Variants in COG7 observed in about 807,000 individuals in gnomAD.
COG7 encodes the protein component of oligomeric golgi complex 7.
COG7 carries 49 observed loss-of-function variants against 91.5 expected under a neutral mutation model. The observed-to-expected ratio is 0.54, with a 90% CI of 0.43 to 0.68. The LOEUF is 0.68. Ranked by LOEUF, COG7 falls within the 30% of genes least tolerant of loss-of-function variation. The pLI is 0.00. For missense variants in COG7, 895 were observed against 961.3 expected (o/e 0.93, Z 0.91); for synonymous variants, 365 against 388.7 (o/e 0.94, Z 0.72).
intron 14 of COG7, among the ~76,000 whole-genome samples, chr16:23,395,837 G>T (rs531065402): frequency 1.3e-5 from 2 of 152,306 alleles, no homozygotes; most frequent in Admixed American, 1.3e-4. Context: ...GAAAAGTTTT[G>T]AGGTCAGACA....
intron 4 of COG7, among the ~76,000 whole-genome samples, chr16:23,439,820 G>A (rs1414078830): frequency 1.3e-5 from 2 of 152,122 alleles, no homozygotes; most frequent in Non-Finnish European, 2.9e-5. Flanking sequence ...CCACTGAAAT[G>A]CACACTTAAA....
intron 1 of COG7, 121 bp downstream of exon 1, chr16:23,452,705 T>G: frequency 1.4e-6 from 2 of 1,471,928 alleles, no homozygotes; most frequent in Non-Finnish European, 1.8e-6. Flanking sequence ...CTTGCTCTTT[T>G]GCCGAGGGTA....
intron 13 of COG7, among the ~76,000 whole-genome samples, chr16:23,401,965 G>A (rs1018167682): frequency 6.6e-6 from 1 of 152,160 alleles, no homozygotes; most frequent in Non-Finnish European, 1.5e-5. Flanking sequence ...GCTGAGGCAG[G>A]AGGATCACTT....
chr16:23,452,405 AT>A (rs910100312), intron 1 of COG7, among the ~76,000 whole-genome samples: 9 of 150,888 alleles, frequency 6.0e-5, no homozygotes, highest in Middle Eastern at 3.4e-3. Flanking sequence ...CATCTCTACA[AT>A]TTTTTTTTTA....
In COG7 at chr16:23,442,687, C is replaced by G. The variant is rs140637718; in HGVS notation, c.436-42G>C. The G allele has an allele frequency of 1.6e-3, 2,420 of 1,528,982 alleles. 33 individuals carry two copies. In the African/African-American group the frequency reaches 0.029, roughly 18 times the overall value. The allele number at this position is 1,528,982 out of a possible 1,614,324, so 94.7% of individuals were successfully genotyped here. A position where few individuals can be genotyped will look rare whatever the true frequency, so the allele number is the denominator to read the frequency against. The stretch of plus-strand genomic sequence containing the variant: ...TAGAGAATATTTATTTTAAATGATC[C>G]CTACTGCCTCAATTGGGAATAGATA... On this transcript the variant is annotated intron_variant, in intron 3 of 16. Transcript: ENST00000307149.
In COG7 at chr16:23,389,139, G is replaced by A. The variant is rs972991080; in HGVS notation, c.2147-53C>T. The A allele has an allele frequency of 3.8e-6, 6 of 1,598,994 alleles. No individual in the cohort carries two copies. The South Asian group carries it at 5.6e-5, about 15-fold the overall frequency. ...AGCTCCACAGACTCAGCACCAAGCA[G>A]GTCAGAGCCCCACAGGGCCTCCCCT... On this transcript the variant is annotated intron_variant, in intron 16 of 16. Transcript: ENST00000307149.
At chr16:23,432,664 T>G (rs1273272763) in intron 6 of COG7, among the ~76,000 whole-genome samples, 6 of 152,210 alleles carry the variant, frequency 3.9e-5, no homozygotes, top group Admixed American at 3.9e-4. Flanking sequence ...AAAACCTTTA[T>G]GGCTGGAAAT....
intron 14 of COG7, among the ~76,000 whole-genome samples, chr16:23,396,262 C>T (rs1017277990): frequency 6.6e-6 from 1 of 152,234 alleles, no homozygotes; most frequent in African/African-American, 2.4e-5. Flanking sequence ...TCCTAGCCCT[C>T]ATTCCCTCTC....
intron 9 of COG7, 65 bp downstream of exon 9, chr16:23,416,902 C>T: frequency 6.3e-7 from 1 of 1,589,306 alleles, no homozygotes; most frequent in Non-Finnish European, 8.6e-7. Context: ...AGAACACGTG[C>T]ATTTTTATCT....
rs567653135 is a variant in COG7 at position 23,451,201 on chromosome 16, C to CA, written c.169+1624dup. On this transcript the variant is annotated intron_variant, in intron 1 of 16. Coordinates refer to ENST00000307149, the MANE Select transcript of COG7 (RefSeq NM_153603.4). ...GAGCGAGACTTCGTCTCAAAAAAAA[C>CA]AAAAAAACAAACAAAAATGGGAACA... is the stretch of plus-strand genomic sequence containing the variant. 1.4e-4 allele frequency among the ~76,000 whole-genome samples: 21 copies of CA among 151,534 alleles called. No individual in the cohort carries two copies. The East Asian group carries it at 3.3e-3, about 24-fold the overall frequency.
intron 6 of COG7, among the ~76,000 whole-genome samples, 170 bp downstream of exon 6, chr16:23,433,375 G>T (rs1182093534): frequency 1.3e-5 from 2 of 152,090 alleles, no homozygotes; most frequent in Non-Finnish European, 2.9e-5. Flanking sequence ...ACAAGTGTGA[G>T]CCACCGCACC....
chr16:23,446,313 TCCACGGCGGTCATTAGCAGCCA>T (rs1278192219), intron 1 of COG7: 1 of 352,834 alleles, frequency 2.8e-6, no homozygotes, highest in African/African-American at 2.1e-5. Flanking sequence ...TTACTTAATG[TCCACGGCGGTCATTAGCAGCCA>T]CCTCCTACTG....
At chr16:23,409,345 C>T (rs1307801719) in intron 11 of COG7, among the ~76,000 whole-genome samples, 2 of 152,096 alleles carry the variant, frequency 1.3e-5, no homozygotes, top group African/African-American at 2.4e-5. Flanking sequence ...AAAGCAAGGC[C>T]GAGTTGAAAT....
Position 23,418,696 on chromosome 16 carries a change from T to A in COG7, c.1137+4A>T, listed in dbSNP as rs1360811684. On this transcript the variant is annotated splice_donor_region_variant and intron_variant, in intron 8 of 16. Coordinates refer to ENST00000307149, the MANE Select transcript of COG7 (RefSeq NM_153603.4). Reference sequence around the variant, plus strand: ...TCAGTGGCCCCAGGACACTGCGACTTTACCAGAGGCACAGCACTCATCTGG... The same window carrying A: ...TCAGTGGCCCCAGGACACTGCGACTATACCAGAGGCACAGCACTCATCTGG... 42 of 1,613,260 alleles carry A rather than the reference T, an allele frequency of 2.6e-5. No individual in the cohort carries two copies. Among genetic ancestry groups the A allele is most frequent in the Non-Finnish European group, 3.6e-5 (42 of 1,179,918 alleles).
intron 8 of COG7, among the ~76,000 whole-genome samples, chr16:23,417,756 T>C (rs77932693): frequency 0.011 from 1,641 of 152,202 alleles, 30 homozygotes; most frequent in African/African-American, 0.037. Context: ...CTTCAACCTG[T>C]ATGACAGAGC....
In COG7 at chr16:23,406,102, A is replaced by C; in HGVS notation, c.1636T>G (p.Leu546Val). Reference sequence around the variant, plus strand: ...TTAAGGGTATAAAGTATTTCCATTAAACTGGCATATTCAGCAGGGTTATCT... The same window carrying C: ...TTAAGGGTATAAAGTATTTCCATTACACTGGCATATTCAGCAGGGTTATCT... ...QKDNPAEYASLMEILYTLKEK... is the reference protein window; with the variant it reads ...QKDNPAEYASVMEILYTLKEK... The change falls in exon 12 of 17, where the codon TTA (leucine) becomes GTA (valine). Residue 546 changes from leucine (L) to valine (V), a missense_variant. Transcript: ENST00000307149. The C allele has an allele frequency of 1.2e-6, 2 of 1,614,124 alleles. No homozygotes were observed. The highest frequency in any genetic ancestry group is 2.2e-5 in the South Asian group (2 of 91,082).
At chr16:23,405,700 A>G (rs1963449869) in intron 12 of COG7, among the ~76,000 whole-genome samples, 1 of 151,722 alleles carries the variant, frequency 6.6e-6, no homozygotes, top group Non-Finnish European at 1.5e-5. Flanking sequence ...TATTTTTAGT[A>G]GAGACCGGGT....
At chr16:23,434,859 G>A (rs1243522631) in intron 4 of COG7, 141 bp from the exon 5 acceptor site, 2 of 677,424 alleles carry the variant, frequency 3.0e-6, no homozygotes, top group Non-Finnish European at 5.4e-6. Context: ...TCATGCATGA[G>A]GATCATAAAT....
Position 23,418,833 on chromosome 16 carries a change from G to T in COG7, c.1010-6C>A. ...TTTTACCAGATTGTGTTCATCTTTA[G>T]GGAATCAGAAATGTAAAACGATAAT... On this transcript the variant is annotated splice_region_variant and splice_polypyrimidine_tract_variant and intron_variant, in intron 7 of 16. Transcript: ENST00000307149. 1 of 1,613,126 alleles carries T rather than the reference G, an allele frequency of 6.2e-7. No individual in the cohort carries two copies. The highest frequency in any genetic ancestry group is 1.1e-5 in the South Asian group (1 of 91,054).
Sources: gnomAD v4.1 joint callset for allele counts (sites outside exome capture counted in the v4.1 genomes callset) on GRCh38, gnomAD v4.1.1 for gene constraint, MANE v1.5 for transcripts, NCBI Gene and HGNC (gene_info 2026-07-23, HGNC 2026-07-21) for gene names.